The following NEK10 variants were observed in gnomAD, a reference collection of about 807,000 sequenced individuals.
NEK10 encodes the protein serine/threonine-protein kinase Nek10.
NEK10 carries 122 observed loss-of-function variants against 159.8 expected under a neutral mutation model. The observed-to-expected ratio is 0.76, with a 90% CI of 0.66 to 0.89. The LOEUF (loss-of-function observed/expected upper bound fraction) is 0.89. NEK10 is among the 40% of genes least tolerant of loss of function. NEK10 has a pLI of 0.00. For missense variants in NEK10, 1,342 were observed against 1,323.1 expected (o/e 1.01, Z -0.22); for synonymous variants, 466 against 457.1 (o/e 1.02, Z -0.25).
At chr3:27,186,704 A>G (rs1948654455) in intron 26 of NEK10, among the ~76,000 whole-genome samples, 1 of 152,232 alleles carries the variant, frequency 6.6e-6, no homozygotes, top group South Asian at 2.1e-4. Flanking sequence ...CTTTGTACAC[A>G]TAGTGCCTGA....
At chr3:27,228,831 G>A (rs917844216) in intron 23 of NEK10, among the ~76,000 whole-genome samples, 3 of 152,134 alleles carry the variant, frequency 2.0e-5, no homozygotes, top group Admixed American at 6.5e-5. Context: ...GAGTAAGGCT[G>A]GGAGGTGGAT....
chr3:27,276,665 A>G (rs1217360845), intron 22 of NEK10, among the ~76,000 whole-genome samples: 1 of 152,196 alleles, frequency 6.6e-6, no homozygotes, highest in East Asian at 1.9e-4. Flanking sequence ...CCAATGGCAG[A>G]GCAATCTTCA....
intron 5 of NEK10, among the ~76,000 whole-genome samples, chr3:27,329,539 G>A (rs777657352): frequency 6.6e-6 from 1 of 152,124 alleles, no homozygotes; most frequent in Non-Finnish European, 1.5e-5. Context: ...ATTTGGCCAG[G>A]TTTAAAACTG....
chr3:27,309,782 C>T (rs1215046806), intron 9 of NEK10: 3 of 152,168 alleles, frequency 2.0e-5, no homozygotes, highest in Non-Finnish European at 2.9e-5. Context: ...AACTTTCATT[C>T]TTTTGCCAAA....
At chr3:27,214,586 A>C (rs1234378059) in intron 23 of NEK10, among the ~76,000 whole-genome samples, 7 of 149,262 alleles carry the variant, frequency 4.7e-5, no homozygotes, top group Non-Finnish European at 1.0e-4. Context: ...TAATTTATTT[A>C]AGACCACCTC....
intron 23 of NEK10, among the ~76,000 whole-genome samples, chr3:27,253,205 T>C (rs1438326572): frequency 6.6e-6 from 1 of 152,106 alleles, no homozygotes; most frequent in Admixed American, 6.5e-5. Flanking sequence ...ATTCCAGGAA[T>C]AGTTGAAGTT....
intron 5 of NEK10, among the ~76,000 whole-genome samples, chr3:27,329,760 T>C (rs1283030174): frequency 1.3e-5 from 2 of 152,178 alleles, no homozygotes; most frequent in African/African-American, 4.8e-5. Flanking sequence ...CGTGAGGCAT[T>C]AGAGAAAAGA....
chr3:27,151,781 T>C lies in NEK10; in HGVS notation c.2870-10199A>G, dbSNP rs990098141. On this transcript the variant is annotated intron_variant, in intron 30 of 35. Coordinates refer to ENST00000691995, the MANE Select transcript of NEK10 (RefSeq NM_001394966.1). ...ACAATACAAGAAGTGAAGGGAGAAA[T>C]ATTCAGGGAAATAGATAGTTTAAAG... Among the ~76,000 whole-genome samples, 3 of 152,200 alleles carry C rather than the reference T, an allele frequency of 2.0e-5. No individual in the cohort carries two copies. The East Asian group carries it at 5.8e-4, about 29-fold the overall frequency.
chr3:27,264,024 C>G (rs1248110489), intron 22 of NEK10, among the ~76,000 whole-genome samples: 3 of 152,088 alleles, frequency 2.0e-5, no homozygotes, highest in African/African-American at 4.8e-5. Context: ...TTAATTATCA[C>G]AATTACCCAT....
intron 35 of NEK10, among the ~76,000 whole-genome samples, chr3:27,114,775 G>T (rs982035982): frequency 2.6e-5 from 4 of 152,176 alleles, no homozygotes; most frequent in Admixed American, 2.6e-4. Context: ...CACTTTGAGA[G>T]AATATACTCC....
chr3:27,243,562 T>C (rs1476816339), intron 23 of NEK10, among the ~76,000 whole-genome samples: 1 of 152,188 alleles, frequency 6.6e-6, no homozygotes, highest in Non-Finnish European at 1.5e-5. Flanking sequence ...TCAACCAGAC[T>C]CCCTTCTATA....
intron 22 of NEK10, among the ~76,000 whole-genome samples, chr3:27,281,911 T>C (rs1397374037): frequency 6.6e-6 from 1 of 152,168 alleles, no homozygotes; most frequent in Non-Finnish European, 1.5e-5. Flanking sequence ...TTTATAATTC[T>C]TCTGGAAGAT....
intron 30 of NEK10, among the ~76,000 whole-genome samples, chr3:27,155,238 T>C (rs1945280812): frequency 6.6e-6 from 1 of 152,128 alleles, no homozygotes; most frequent in African/African-American, 2.4e-5. Context: ...GCGTGGTGGC[T>C]CACACCTGTA....
At chr3:27,163,373 G>A (rs1946196358) in intron 29 of NEK10, among the ~76,000 whole-genome samples, 1 of 149,740 alleles carries the variant, frequency 6.7e-6, no homozygotes, top group Non-Finnish European at 1.5e-5. Flanking sequence ...TTTTTTTTGA[G>A]ACGAGTCTAG....
chr3:27,352,416 CAT>C (rs747442564), intron 3 of NEK10, 47 bp downstream of exon 3: 16 of 1,203,998 alleles, frequency 1.3e-5, no homozygotes, highest in Non-Finnish European at 1.9e-5. Context: ...CCTTTGGAAA[CAT>C]ATGATTTTTC....
chr3:27,210,958 T>G (rs1250335235), intron 23 of NEK10, among the ~76,000 whole-genome samples: 1 of 152,214 alleles, frequency 6.6e-6, no homozygotes, highest in African/African-American at 2.4e-5. Context: ...AATGCAATAC[T>G]TCTTCAAGTT....
At chr3:27,355,673 A>G (rs2048280548) in intron 1 of NEK10, among the ~76,000 whole-genome samples, 1 of 151,950 alleles carries the variant, frequency 6.6e-6, no homozygotes, top group Non-Finnish European at 1.5e-5. Context: ...CTCTGCTTCC[A>G]CTCTTGCTCC....
chr3:27,255,195 C>T (rs1351517169), intron 23 of NEK10: 11 of 237,996 alleles, frequency 4.6e-5, no homozygotes, highest in Admixed American at 1.1e-4. Flanking sequence ...CAGAAAGTAA[C>T]GAGTAGGTCA....
intron 31 of NEK10, among the ~76,000 whole-genome samples, chr3:27,140,402 G>A (rs776515717): frequency 2.7e-4 from 41 of 152,244 alleles, no homozygotes; most frequent in Non-Finnish European, 4.6e-4. Flanking sequence ...AAGGAGAACC[G>A]CAGCCATTTA....
Sources: gnomAD v4.1 joint callset for allele counts (sites outside exome capture counted in the v4.1 genomes callset) on GRCh38, gnomAD v4.1.1 for gene constraint, MANE v1.5 for transcripts, NCBI Gene and HGNC (gene_info 2026-07-23, HGNC 2026-07-21) for gene names.